C1QTNF6: variants seen among roughly 807,000 people sequenced by gnomAD.
C1QTNF6 encodes complement C1q tumor necrosis factor-related protein 6.
In C1QTNF6, 17 loss-of-function variants were observed where a neutral mutation model predicts 20.7. The ratio of observed to expected loss-of-function variants is 0.82; its 90% CI spans 0.56 to 1.23. The LOEUF is 1.23. Ranked by LOEUF, C1QTNF6 falls within the 50% of genes most tolerant of loss-of-function variation. C1QTNF6 has a pLI of 0.00. For synonymous variants in C1QTNF6, 130 were observed against 156.3 expected (o/e 0.83, Z 1.25); for missense variants, 329 against 389.7 (o/e 0.84, Z 1.31).
upstream of C1QTNF6, among the ~76,000 whole-genome samples, chr22:37,189,873 C>T (rs753092627): frequency 4.7e-4 from 72 of 152,142 alleles, no homozygotes; most frequent in Non-Finnish European, 9.0e-4. Context: ...TGTGACTTAT[C>T]GGGTAAAATG....
At chr22:37,198,885 C>T (rs1925314224), upstream of C1QTNF6, among the ~76,000 whole-genome samples, 4 of 152,214 alleles carry the variant, frequency 2.6e-5, no homozygotes, top group Admixed American at 2.6e-4. Flanking sequence ...GTTGAACCGC[C>T]CAGGGGCCGG....
intron 2 of C1QTNF6, chr22:37,183,057 T>A: frequency 5.7e-6 from 3 of 522,244 alleles, no homozygotes; most frequent in Non-Finnish European, 7.3e-6. Context: ...CCGACTGGTG[T>A]CTCTGGGAGG....
At position 37,180,842 on chromosome 22, in the gene C1QTNF6, G is replaced by C. The variant is rs1288595321; in HGVS notation, c.*1346C>G. On this transcript the variant is annotated 3_prime_UTR_variant, in exon 3 of 3. Transcript: ENST00000337843. ...GAAGGGGATCCCAGTGAGGAGGGCA[G>C]GTCTTCTCGCAGGATGCCGTATCAG... is the stretch of plus-strand genomic sequence containing the variant. The C allele has an allele frequency of 6.5e-6, 1 of 152,932 alleles. No homozygotes were observed. 9.5% of individuals were successfully genotyped at this position (152,932 alleles called of 1,614,324 possible).
At position 37,181,795 on chromosome 22, in the gene C1QTNF6, T is replaced by G. The variant is rs1923789640; in HGVS notation, c.*393A>C. The G allele has an allele frequency of 4.5e-6, 1 of 223,612 alleles. No individual in the cohort carries two copies. The highest frequency in any genetic ancestry group is 8.9e-6 in the Non-Finnish European group (1 of 112,478). 13.9% of individuals were successfully genotyped at this position (223,612 alleles called of 1,614,324 possible). A position where few individuals can be genotyped will look rare whatever the true frequency, so the allele number is the denominator to read the frequency against. On this transcript the variant is annotated 3_prime_UTR_variant, in exon 3 of 3. Transcript: ENST00000337843. ...CTAGAACCTGGTTGCTCCAGTGTGG[T>G]TCATAGACTGACCCCATCAGCATCA...
intron 1 of C1QTNF6, among the ~76,000 whole-genome samples, chr22:37,186,772 CTTTG>C (rs756404329): frequency 2.6e-4 from 39 of 152,310 alleles, no homozygotes; most frequent in Admixed American, 9.8e-4. Context: ...TCTGGCGTTT[CTTTG>C]TTTATTTCCT....
intron 1 of C1QTNF6, among the ~76,000 whole-genome samples, chr22:37,186,470 A>C (rs1473833882): frequency 2.0e-5 from 3 of 152,222 alleles, no homozygotes. Context: ...TCAGATGCCA[A>C]GGTGGTAAAT....
At chr22:37,188,473 A>T, upstream of C1QTNF6, 1 of 390,740 alleles carries the variant, frequency 2.6e-6, no homozygotes. Context: ...CTTGATTCAA[A>T]GGCCTAGAAA....
chr22:37,182,330 T>C lies in C1QTNF6; in HGVS notation c.695A>G (p.Gln232Arg), dbSNP rs746552048. 3.7e-6 allele frequency: 6 copies of C among 1,614,240 alleles called. No homozygotes were observed. The highest frequency in any genetic ancestry group is 5.1e-6 in the Non-Finnish European group (6 of 1,180,038). ...QPSERSIMQS[Q>R]SVMLDLAYGD... ...GTAGGCCAGGTCCAGCATCACACTC[T>C]GGCTCTGCATGATGCTGCGCTCGCT... The change falls in exon 3 of 3, where the codon CAG (glutamine) becomes CGG (arginine). Residue 232 changes from glutamine to arginine, a missense_variant. Coordinates refer to ENST00000337843, the MANE Select transcript of C1QTNF6 (RefSeq NM_031910.4).
Position 37,188,199 on chromosome 22 carries a change from C to G in C1QTNF6, c.15G>C (p.Arg5Ser). Reference sequence around the variant, plus strand: ...TGGCCTCCCCAGGCGACTCACGGACCCTGAGCCACTGCATGGCCTCTGGCT... The same window carrying G: ...TGGCCTCCCCAGGCGACTCACGGACGCTGAGCCACTGCATGGCCTCTGGCT... MQWL[R>S]VRESPGEATG... The change falls in exon 1 of 3, where the codon AGG (arginine) becomes AGC (serine). Residue 5 changes from arginine (R) to serine (S), a missense_variant. By Grantham distance (110) the Arg-to-Ser change is moderately radical (BLOSUM62 -1). Coordinates refer to ENST00000337843, the MANE Select transcript of C1QTNF6 (RefSeq NM_031910.4). 1 of 1,609,626 alleles carries G rather than the reference C, an allele frequency of 6.2e-7. No individual in the cohort carries two copies. Among genetic ancestry groups the G allele is most frequent in the Non-Finnish European group, 8.5e-7 (1 of 1,177,912 alleles).
chr22:37,193,877 C>T (rs1036415668), intron 2 of C1QTNF6, among the ~76,000 whole-genome samples: 1 of 152,196 alleles, frequency 6.6e-6, no homozygotes, highest in Non-Finnish European at 1.5e-5. Context: ...AGAAAGGACT[C>T]ATTCCCTAAG....
chr22:37,183,549 G>C (rs575419876), intron 2 of C1QTNF6, among the ~76,000 whole-genome samples: 1 of 152,216 alleles, frequency 6.6e-6, no homozygotes, highest in East Asian at 1.9e-4. Context: ...GGAGGGACCC[G>C]ACCTCACATA....
chr22:37,198,791 C>T (rs1271214007), upstream of C1QTNF6, among the ~76,000 whole-genome samples: 2 of 152,052 alleles, frequency 1.3e-5, no homozygotes, highest in Admixed American at 6.5e-5. Flanking sequence ...CCCCGCAGTC[C>T]CCGCAGCAAC....
At chr22:37,188,252 T>A, upstream of C1QTNF6, 1 of 1,546,576 alleles carries the variant, frequency 6.5e-7, no homozygotes, top group Non-Finnish European at 8.8e-7. Context: ...AATACTAACT[T>A]GTTGCTGGCC....
intron 2 of C1QTNF6, among the ~76,000 whole-genome samples, chr22:37,194,657 A>G (rs1470368463): frequency 6.6e-6 from 1 of 152,254 alleles, no homozygotes; most frequent in African/African-American, 2.4e-5. Flanking sequence ...AACAGGCTGC[A>G]TGGGGAAACC....
At chr22:37,199,378 C>T (rs963539795), upstream of C1QTNF6, 1 of 152,490 alleles carries the variant, frequency 6.6e-6, no homozygotes, top group African/African-American at 2.4e-5. Flanking sequence ...CTGGCCCACC[C>T]GGGCCTCGCG....
At chr22:37,186,107 G>C in intron 1 of C1QTNF6, 1 of 985,564 alleles carries the variant, frequency 1.0e-6, no homozygotes, top group Non-Finnish European at 1.2e-6. Context: ...ACGTCCATGA[G>C]AGCATGTGGG....
chr22:37,196,427 G>A (rs757850503), intron 1 of C1QTNF6: 1 of 152,222 alleles, frequency 6.6e-6, no homozygotes, highest in African/African-American at 2.4e-5. Flanking sequence ...AAGGGATTTG[G>A]TGGGTTTTGG....
rs183298112 is a variant in C1QTNF6, at chr22:37,195,775, T to G, written n.147-317A>C. On this transcript the variant is annotated intron_variant and non_coding_transcript_variant, in intron 1 of 4. Coordinates refer to the C1QTNF6 transcript ENST00000467564. Reference sequence around the variant, plus strand: ...ACCGTATAAGGTAATTTCTGGACATTGCCATGGCATTTGTAAATTGTCATG... The same window carrying G: ...ACCGTATAAGGTAATTTCTGGACATGGCCATGGCATTTGTAAATTGTCATG... The G allele has an allele frequency of 2.0e-5, 3 of 152,338 alleles. 1 individual carries two copies. The highest frequency in any genetic ancestry group is 2.0e-4 in the Admixed American group (3 of 15,306). 9.4% of individuals were successfully genotyped at this position (152,338 alleles called of 1,614,324 possible).
chr22:37,185,079 C>A lies in C1QTNF6; in HGVS notation c.289+139G>T, dbSNP rs966899210. ...CACGCTCCGTCATCAGTGTTTGGAA[C>A]AGACCAGGCTCACATTGGGGCTCAA... On this transcript the variant is annotated intron_variant, in intron 2 of 2. Transcript: ENST00000337843. The A allele has an allele frequency of 2.9e-6, 4 of 1,399,240 alleles. No homozygotes were observed. In the African/African-American group the frequency reaches 5.8e-5, roughly 20 times the overall value. The allele number at this position is 1,399,240 out of a possible 1,614,324, so 86.7% of individuals were successfully genotyped here. A position where few individuals can be genotyped will look rare whatever the true frequency, so the allele number is the denominator to read the frequency against.
Sources: gnomAD v4.1 joint callset for allele counts (sites outside exome capture counted in the v4.1 genomes callset) on GRCh38, gnomAD v4.1.1 for gene constraint, MANE v1.5 for transcripts, NCBI Gene and HGNC (gene_info 2026-07-23, HGNC 2026-07-21) for gene names.